Variants in TGFB1I1 observed in about 807,000 individuals in gnomAD.
TGFB1I1 encodes transforming growth factor beta-1-induced transcript 1 protein.
Under a neutral mutation model 52.0 loss-of-function variants are expected in TGFB1I1, and 33 were observed. That is an observed-to-expected ratio of 0.63 (90% CI 0.48 to 0.85). The LOEUF is 0.85. Ranked by LOEUF, TGFB1I1 falls within the 40% of genes least tolerant of loss-of-function variation. The pLI, the probability that TGFB1I1 is intolerant of heterozygous loss-of-function variation, is 0.00. For synonymous variants in TGFB1I1, 236 were observed against 253.3 expected (o/e 0.93, Z 0.65); for missense variants, 577 against 614.9 (o/e 0.94, Z 0.65).
intron 7 of TGFB1I1, chr16:31,475,664 G>T (rs1388981073): frequency 1.0e-5 from 2 of 193,576 alleles, no homozygotes; most frequent in Non-Finnish European, 1.1e-5. Context: ...CTGGACTCAA[G>T]TAATCCTCCC....
At position 31,473,662 on chromosome 16, in the gene TGFB1I1, T is replaced by C; in HGVS notation, c.130-20T>C. On this transcript the variant is annotated intron_variant, in intron 2 of 10. Transcript: ENST00000394863. ...CAGAGTGCAGGCCTGTCATCCCACC[T>C]GTGCGTCTCCGCTCTGTAGACAGGG... is the stretch of plus-strand genomic sequence containing the variant. The C allele has an allele frequency of 1.3e-6, 2 of 1,574,326 alleles. No homozygotes were observed. Among genetic ancestry groups the C allele is most frequent in the Non-Finnish European group, 1.7e-6 (2 of 1,159,372 alleles).
intron 1 of TGFB1I1, chr16:31,472,980 G>A (rs2082399927): frequency 6.3e-6 from 1 of 158,364 alleles, no homozygotes; most frequent in Non-Finnish European, 1.4e-5. Context: ...TCAGAAGGCA[G>A]GTCCCAGCGA....
Position 31,477,428 on chromosome 16 carries a change from C to T in TGFB1I1, c.1238C>T (p.Thr413Ile). 1 of 1,602,384 alleles carries T rather than the reference C, an allele frequency of 6.2e-7. No individual in the cohort carries two copies. The highest frequency in any genetic ancestry group is 8.5e-7 in the Non-Finnish European group (1 of 1,175,160). Residue 413 changes from threonine to isoleucine, a missense_variant, in exon 11 of 11, where the codon ACC becomes ATC. By Grantham distance (89) the Thr-to-Ile change is moderately conservative (BLOSUM62 -1). This residue lies in a region of TGFB1I1 where 456 missense variants were observed against 461.6 expected (regional missense o/e 0.99). Transcript: ENST00000394863. This position sits in a 1 kb window ranked among gnomAD's most constrained non-coding sequence, Gnocchi z 4.7. ...SLCATCGLPV[T>I]GRCVSALGRR... ...TGCGCCACGTGTGGCCTCCCTGTGACCGGCCGCTGCGTGTCGGCCCTGGGT... is the reference window on the plus strand; with the variant it reads ...TGCGCCACGTGTGGCCTCCCTGTGATCGGCCGCTGCGTGTCGGCCCTGGGT...
chr16:31,476,064 G>C lies in TGFB1I1; in HGVS notation c.767G>C (p.Gly256Ala). ...CACCCCGAGCACTTCGTTTGCGGAG[G>C]CTGTTCCACCGCCCTGGGAGGCAGC... ...AWHPEHFVCGGCSTALGGSSF... is the reference protein window; with the variant it reads ...AWHPEHFVCGACSTALGGSSF... Residue 256 changes from glycine (G) to alanine (A), a missense_variant, in exon 8 of 11, where the codon GGC (glycine) becomes GCC (alanine). Gly to Ala is a moderately conservative substitution (Grantham distance 60). Transcript: ENST00000394863. The surrounding 1 kb of genome is among the most constrained non-coding windows in gnomAD (Gnocchi z 7.6). The C allele has an allele frequency of 6.2e-7, 1 of 1,613,752 alleles. No individual in the cohort carries two copies. Among genetic ancestry groups the C allele is most frequent in the South Asian group, 1.1e-5 (1 of 91,086 alleles).
rs1359926662 is a variant in TGFB1I1, at chr16:31,477,510, G to C, written c.1320G>C (p.Lys440Asn). The change falls in exon 11 of 11, where the codon AAG (lysine) becomes AAC (asparagine). Residue 440 changes from lysine to asparagine, a missense_variant. By Grantham distance (94) the Lys-to-Asn change is moderately conservative. This residue lies in a region of TGFB1I1 where 456 missense variants were observed against 461.6 expected (regional missense o/e 0.99). Transcript: ENST00000394863. The surrounding 1 kb of genome is among the most constrained non-coding windows in gnomAD (Gnocchi z 4.7). ...CCTTCTGCCTGCGCCCGCTCACCAA[G>C]GGGTCCTTCCAGGAGCGCGCCGGCA... is the stretch of plus-strand genomic sequence containing the variant. ...TCTFCLRPLT[K>N]GSFQERAGKP... 6.2e-7 allele frequency: 1 copy of C among 1,609,888 alleles called. No individual in the cohort carries two copies. The highest frequency in any genetic ancestry group is 2.2e-5 in the East Asian group (1 of 44,736).
rs2082410927 is a variant in TGFB1I1, at chr16:31,474,499, C to T, written c.519+44C>T. On this transcript the variant is annotated intron_variant, in intron 6 of 10. Transcript: ENST00000394863. The surrounding 1 kb of genome is among the most constrained non-coding windows in gnomAD (Gnocchi z 4.2). ...CAGTGTCCATTTGTGGCTCCCCAAC[C>T]CCTTCTAGACAATTCCACATCTGCT... 1.9e-6 allele frequency: 3 copies of T among 1,613,536 alleles called. No individual in the cohort carries two copies. Among genetic ancestry groups the T allele is most frequent in the Non-Finnish European group, 2.5e-6 (3 of 1,179,682 alleles).
At position 31,476,130 on chromosome 16, in the gene TGFB1I1, G is replaced by T; in HGVS notation, c.833G>T (p.Cys278Phe). 1 of 1,613,784 alleles carries T rather than the reference G, an allele frequency of 6.2e-7. No homozygotes were observed. The highest frequency in any genetic ancestry group is 8.5e-7 in the Non-Finnish European group (1 of 1,179,984). The change falls in exon 8 of 11, where the codon TGC becomes TTC. Residue 278 changes from cysteine (C) to phenylalanine (F), a missense_variant. Physicochemically the swap from Cys to Phe is radical, Grantham distance 205. Coordinates refer to ENST00000394863, the MANE Select transcript of TGFB1I1 (RefSeq NM_001042454.3). This position sits in a 1 kb window ranked among gnomAD's most constrained non-coding sequence, Gnocchi z 7.6. ...EKDGAPFCPECYFERFSPRCG... is the reference protein window; with the variant it reads ...EKDGAPFCPEFYFERFSPRCG... ...GATGGAGCCCCCTTCTGCCCCGAGTGCTACTTTGAGCGCTTCTCGCCAAGA... is the reference window on the plus strand; with the variant it reads ...GATGGAGCCCCCTTCTGCCCCGAGTTCTACTTTGAGCGCTTCTCGCCAAGA...
chr16:31,477,747 C>T lies in TGFB1I1; in HGVS notation c.*171C>T, dbSNP rs560208565. 1.1e-3 allele frequency: 918 copies of T among 855,466 alleles called. 3 individuals are homozygous for T. The highest frequency in any genetic ancestry group is 3.3e-3 in the Middle Eastern group (9 of 2,744). 53.0% of individuals were successfully genotyped at this position (855,466 alleles called of 1,614,324 possible). The stretch of plus-strand genomic sequence containing the variant: ...CAAGTTCAGAAACGGCCCAGCCAGA[C>T]CTAAACCCACACGCCCACAAAGTGG... On this transcript the variant is annotated 3_prime_UTR_variant, in exon 11 of 11. Transcript: ENST00000394863. This position sits in a 1 kb window ranked among gnomAD's most constrained non-coding sequence, Gnocchi z 4.7.
intron 1 of TGFB1I1, chr16:31,472,439 T>C (rs1212491695): frequency 1.3e-6 from 1 of 770,778 alleles, no homozygotes; most frequent in African/African-American, 1.8e-5. Flanking sequence ...CTGCGGCAGA[T>C]GGAACGGGAG....
chr16:31,472,275 C>T, intron 1 of TGFB1I1, 74 bp downstream of exon 1: 2 of 1,426,804 alleles, frequency 1.4e-6, no homozygotes, highest in Non-Finnish European at 1.8e-6. Flanking sequence ...GTCGCTCTCC[C>T]GCATCTCCCC....
In TGFB1I1 at chr16:31,474,493, C is replaced by T. The variant is rs749120888; in HGVS notation, c.519+38C>T. The T allele has an allele frequency of 5.6e-6, 9 of 1,613,782 alleles. No individual in the cohort carries two copies. On this transcript the variant is annotated intron_variant, in intron 6 of 10. Transcript: ENST00000394863. The surrounding 1 kb of genome is among the most constrained non-coding windows in gnomAD (Gnocchi z 4.2). The stretch of plus-strand genomic sequence containing the variant: ...GTGGGCCAGTGTCCATTTGTGGCTC[C>T]CCAACCCCTTCTAGACAATTCCACA...
chr16:31,477,489 C>A lies in TGFB1I1; in HGVS notation c.1299C>A (p.Phe433Leu). The A allele has an allele frequency of 6.2e-7, 1 of 1,607,528 alleles. No homozygotes were observed. The highest frequency in any genetic ancestry group is 8.5e-7 in the Non-Finnish European group (1 of 1,177,470). Reference sequence around the variant, plus strand: ...ACCCGGACCACTTCACATGCACCTTCTGCCTGCGCCCGCTCACCAAGGGGT... The same window carrying A: ...ACCCGGACCACTTCACATGCACCTTATGCCTGCGCCCGCTCACCAAGGGGT... ...RFHPDHFTCT[F>L]CLRPLTKGSF... The change falls in exon 11 of 11, where the codon TTC becomes TTA. Residue 433 changes from phenylalanine to leucine, a missense_variant. Transcript: ENST00000394863. This position sits in a 1 kb window ranked among gnomAD's most constrained non-coding sequence, Gnocchi z 4.7.
chr16:31,472,382 C>G, intron 1 of TGFB1I1, 181 bp downstream of exon 1: 1 of 1,101,298 alleles, frequency 9.1e-7, no homozygotes, highest in African/African-American at 1.6e-5. Flanking sequence ...CTTTCCTGGG[C>G]CGGCCGCTCC....
chr16:31,477,359 G>A lies in TGFB1I1; in HGVS notation c.1169G>A (p.Arg390His), dbSNP rs763171471. 1 of 1,611,822 alleles carries A rather than the reference G, an allele frequency of 6.2e-7. No individual in the cohort carries two copies. Among genetic ancestry groups the A allele is most frequent in the Non-Finnish European group, 8.5e-7 (1 of 1,179,204 alleles). Residue 390 changes from arginine to histidine, a missense_variant, in exon 11 of 11, where the codon CGC becomes CAC. Physicochemically the swap from Arg to His is conservative, Grantham distance 29 (BLOSUM62 0). Transcript: ENST00000394863. This position sits in a 1 kb window ranked among gnomAD's most constrained non-coding sequence, Gnocchi z 4.7. ...GGCAGCTTTTTCGAGCACGAGGGCC[G>A]CCCGTTGTGCGAGAACCACTTCCAC... The part of the protein sequence containing the change: ...SGGSFFEHEG[R>H]PLCENHFHAR...
In TGFB1I1 at chr16:31,477,422, C is replaced by T; in HGVS notation, c.1232C>T (p.Pro411Leu). ...RGSLCATCGL[P>L]VTGRCVSALG... ...TCGCTGTGCGCCACGTGTGGCCTCC[C>T]TGTGACCGGCCGCTGCGTGTCGGCC... Residue 411 changes from proline to leucine, a missense_variant, in exon 11 of 11, where the codon CCT (proline) becomes CTT (leucine). Around this residue, in one of 3 missense-constraint regions of TGFB1I1, gnomAD observed 456 missense variants for 461.6 expected, o/e 0.99. Coordinates refer to ENST00000394863, the MANE Select transcript of TGFB1I1 (RefSeq NM_001042454.3). The surrounding 1 kb of genome is among the most constrained non-coding windows in gnomAD (Gnocchi z 4.7). 4.4e-6 allele frequency: 7 copies of T among 1,604,098 alleles called. No individual in the cohort carries two copies. Among genetic ancestry groups the T allele is most frequent in the Non-Finnish European group, 6.0e-6 (7 of 1,176,052 alleles).
At position 31,477,085 on chromosome 16, in the gene TGFB1I1, G is replaced by T; in HGVS notation, c.1119+75G>T. On this transcript the variant is annotated intron_variant, in intron 10 of 10. Transcript: ENST00000394863. This position sits in a 1 kb window ranked among gnomAD's most constrained non-coding sequence, Gnocchi z 4.7. Reference sequence around the variant, plus strand: ...CTGTGGGGCGGGGCCTTGGAGGGGCGGGTCAAGGGTGCAGGGCAGGGGGCG... The same window carrying T: ...CTGTGGGGCGGGGCCTTGGAGGGGCTGGTCAAGGGTGCAGGGCAGGGGGCG... 7.0e-7 allele frequency: 1 copy of T among 1,437,310 alleles called. No individual in the cohort carries two copies. Among genetic ancestry groups the T allele is most frequent in the Non-Finnish European group, 9.3e-7 (1 of 1,076,288 alleles). 89.0% of individuals were successfully genotyped at this position (1,437,310 alleles called of 1,614,324 possible).
At position 31,474,305 on chromosome 16, in the gene TGFB1I1, G is replaced by C. The variant is rs201188335; in HGVS notation, c.414-45G>C. 1 of 1,613,678 alleles carries C rather than the reference G, an allele frequency of 6.2e-7. No homozygotes were observed. Among genetic ancestry groups the C allele is most frequent in the South Asian group, 1.1e-5 (1 of 91,062 alleles). On this transcript the variant is annotated intron_variant, in intron 5 of 10. Coordinates refer to ENST00000394863, the MANE Select transcript of TGFB1I1 (RefSeq NM_001042454.3). The surrounding 1 kb of genome is among the most constrained non-coding windows in gnomAD (Gnocchi z 4.2). The stretch of plus-strand genomic sequence containing the variant: ...GGATATCTGAGTCACTAGAGGGAGC[G>C]TTGCTCTGGGAGGCTCTGAGATGAC...
rs2082424454 is a variant in TGFB1I1 at position 31,476,485 on chromosome 16, T to C, written c.893T>C (p.Met298Thr). ...GFCNQPIRHK[M>T]VTALGTHWHP... is the part of the protein sequence containing the mutation. ...GTGCCCTCTCCCTCCCTGCAGAAGA[T>C]GGTGACCGCCTTGGGCACTCACTGG... Residue 298 changes from methionine (M) to threonine (T), a missense_variant, in exon 9 of 11, where the codon ATG (methionine) becomes ACG (threonine). Physicochemically the swap from Met to Thr is moderately conservative, Grantham distance 81 (BLOSUM62 -1). This residue lies in a region of TGFB1I1 where 456 missense variants were observed against 461.6 expected (regional missense o/e 0.99). Coordinates refer to ENST00000394863, the MANE Select transcript of TGFB1I1 (RefSeq NM_001042454.3). The surrounding 1 kb of genome is among the most constrained non-coding windows in gnomAD (Gnocchi z 7.6). 3 of 1,612,362 alleles carry C rather than the reference T, an allele frequency of 1.9e-6. No individual in the cohort carries two copies. The highest frequency in any genetic ancestry group is 1.7e-5 in the Admixed American group (1 of 59,848).
In TGFB1I1 at chr16:31,477,133, G is replaced by A; in HGVS notation, c.1119+123G>A. ...GCGGGCCCTCGGGGGGGCGGGTCACGGGAGGTGCTGCTAGGAACCTCGGGT... is the reference window on the plus strand; with the variant it reads ...GCGGGCCCTCGGGGGGGCGGGTCACAGGAGGTGCTGCTAGGAACCTCGGGT... On this transcript the variant is annotated intron_variant, in intron 10 of 10. Transcript: ENST00000394863. The surrounding 1 kb of genome is among the most constrained non-coding windows in gnomAD (Gnocchi z 4.7). 3.6e-6 allele frequency: 5 copies of A among 1,397,154 alleles called. No homozygotes were observed. Among genetic ancestry groups the A allele is most frequent in the Non-Finnish European group, 4.8e-6 (5 of 1,051,396 alleles). The allele number at this position is 1,397,154 out of a possible 1,614,324, so 86.5% of individuals were successfully genotyped here. A position where few individuals can be genotyped will look rare whatever the true frequency, so the allele number is the denominator to read the frequency against.
Sources: gnomAD v4.1 joint callset for allele counts on GRCh38, gnomAD v4.1.1 for gene constraint, gnomAD v4.1.1 regional missense constraint, Gnocchi (gnomAD v3.1) non-coding constraint, MANE v1.5 for transcripts, NCBI Gene and HGNC (gene_info 2026-07-23, HGNC 2026-07-21) for gene names.